The following TANC1 variants were observed in gnomAD, a reference collection of about 807,000 sequenced individuals.
TANC1 encodes protein TANC1.
Under a neutral mutation model 149.7 loss-of-function variants are expected in TANC1, and 77 were observed. The observed-to-expected ratio is 0.51, with a 90% CI of 0.43 to 0.62. TANC1 has a LOEUF of 0.62. Among genes scored for constraint, TANC1 ranks in the 20% least tolerant of loss-of-function variants. The pLI is 0.00. For synonymous variants in TANC1, 854 were observed against 925.0 expected (o/e 0.92, Z 1.39); for missense variants, 1,985 against 2,321.8 (o/e 0.85, Z 2.98).
chr2:159,053,415 G>A (rs1357658910), intron 2 of TANC1, among the ~76,000 whole-genome samples: 1 of 152,216 alleles, frequency 6.6e-6, no homozygotes, highest in South Asian at 2.1e-4. Context: ...AGAGGAGAGC[G>A]CAGTGATGCA....
intron 3 of TANC1, among the ~76,000 whole-genome samples, chr2:159,096,293 A>AT (rs35914993): frequency 0.43 from 55,748 of 130,678 alleles, 12,685 homozygotes; most frequent in East Asian, 0.9. Flanking sequence ...GACTGGCTGT[A>AT]TTTTTTTTTT....
chr2:158,988,325 CAAAAAAAAAAAA>C (rs1285907133), intron 1 of TANC1, among the ~76,000 whole-genome samples: 1 of 87,418 alleles, frequency 1.1e-5, no homozygotes, highest in South Asian at 4.2e-4. Context: ...GACCCTGTCC[CAAAAAAAAAAAA>C]AAAAAAGAAA....
chr2:159,217,391 CAT>C, intron 19 of TANC1, 104 bp from the exon 20 acceptor site: 1 of 1,442,940 alleles, frequency 6.9e-7, no homozygotes, highest in Non-Finnish European at 9.6e-7. Context: ...AGGGGGAGGA[CAT>C]ATAGACCCCA....
chr2:159,064,299 G>T (rs1486008902), intron 2 of TANC1, among the ~76,000 whole-genome samples: 1 of 152,150 alleles, frequency 6.6e-6, no homozygotes, highest in Admixed American at 6.5e-5. Context: ...TTTCACCAGG[G>T]TTTATTCAAG....
In TANC1 at chr2:159,229,977, T is replaced by C; in HGVS notation, c.4551T>C (p.Pro1517=). The C allele has an allele frequency of 6.2e-7, 1 of 1,614,046 alleles. No individual in the cohort carries two copies. Among genetic ancestry groups the C allele is most frequent in the East Asian group, 2.2e-5 (1 of 44,876 alleles). ...GAATCGGCAAGTCCCTGAGAGAGCC[T>C]GTGGCCCAGCCAGGGCTGCTCCTGC... ...RAGIGKSLRE[P]VAQPGLLLQP... is the part of the protein sequence containing the mutation. Residue 1517 remains proline (P), a synonymous_variant, in exon 27 of 27, where the codon CCT becomes CCC. Coordinates refer to ENST00000263635, the MANE Select transcript of TANC1 (RefSeq NM_033394.3).
At chr2:158,991,230 T>G (rs1283437656) in intron 1 of TANC1, among the ~76,000 whole-genome samples, 1 of 151,904 alleles carries the variant, frequency 6.6e-6, no homozygotes, top group Non-Finnish European at 1.5e-5. Context: ...ATGTAGAATT[T>G]GCTAGGAAAG....
intron 5 of TANC1, among the ~76,000 whole-genome samples, chr2:159,142,392 T>C (rs2051477097): frequency 6.6e-6 from 1 of 152,258 alleles, no homozygotes; most frequent in African/African-American, 2.4e-5. Context: ...TTAGTATATG[T>C]CAAGGCACTG....
intron 10 of TANC1, among the ~76,000 whole-genome samples, chr2:159,171,856 TAA>T (rs1167819599): frequency 1.8e-4 from 3 of 16,886 alleles, no homozygotes; most frequent in Admixed American, 7.3e-4. Context: ...GACTCCGCCT[TAA>T]AAAAAAAAAA....
chr2:159,158,523 A>T (rs1188968273), intron 7 of TANC1, among the ~76,000 whole-genome samples: 2 of 152,182 alleles, frequency 1.3e-5, no homozygotes, highest in Non-Finnish European at 2.9e-5. Context: ...TCCAATATTC[A>T]TCTTAGCCAC....
At position 159,202,251 on chromosome 2, in the gene TANC1, T is replaced by C. The variant is rs567346143; in HGVS notation, c.3244+3198T>C. The stretch of plus-strand genomic sequence containing the variant: ...CTGCACATCTGACTGCTGGTGACCC[T>C]GAGTCAATGAATGTCATCACAGAAG... On this transcript the variant is annotated intron_variant, in intron 19 of 26. Coordinates refer to ENST00000263635, the MANE Select transcript of TANC1 (RefSeq NM_033394.3). Among the ~76,000 whole-genome samples, 14 of 152,318 alleles carry C rather than the reference T, an allele frequency of 9.2e-5. No individual in the cohort carries two copies. The South Asian group carries it at 2.1e-3, about 23-fold the overall frequency.
intron 4 of TANC1, among the ~76,000 whole-genome samples, chr2:159,125,781 T>G (rs933765268): frequency 2.0e-5 from 3 of 152,098 alleles, no homozygotes; most frequent in African/African-American, 7.2e-5. Flanking sequence ...AGAGATGGGG[T>G]TTCACCATGT....
chr2:159,230,127 A>G lies in TANC1; in HGVS notation c.4701A>G (p.Pro1567=), dbSNP rs2060260195. 3 of 1,613,924 alleles carry G rather than the reference A, an allele frequency of 1.9e-6. No individual in the cohort carries two copies. The highest frequency in any genetic ancestry group is 2.5e-6 in the Non-Finnish European group (3 of 1,180,046). The stretch of plus-strand genomic sequence containing the variant: ...AGAACCCTCCTCCAAGTCCCATGCC[A>G]GGGAGAATCGCTGCCACTCCTGCTG... ...SSQNPPPSPM[P]GRIAATPAGS... is the part of the protein sequence containing the mutation. The change falls in exon 27 of 27, where the codon CCA becomes CCG. Residue 1567 remains proline (P), a synonymous_variant. Coordinates refer to ENST00000263635, the MANE Select transcript of TANC1 (RefSeq NM_033394.3). The surrounding 1 kb of genome is among the most constrained non-coding windows in gnomAD (Gnocchi z 4.4).
Position 158,994,461 on chromosome 2 carries a change from T to G in TANC1, c.-125-6619T>G, listed in dbSNP as rs535709587. Among the ~76,000 whole-genome samples, 137 of 152,198 alleles carry G rather than the reference T, an allele frequency of 9.0e-4. 2 individuals carry two copies. In the South Asian group the frequency reaches 0.027, roughly 30 times the overall value. ...ATCTTTTATTTATTTTTTGTAGATA[T>G]GGGATGTCTACTTGCCTAGGCTGGT... is the stretch of plus-strand genomic sequence containing the variant. On this transcript the variant is annotated intron_variant, in intron 1 of 26. Transcript: ENST00000263635.
In TANC1 at chr2:159,230,922, C is replaced by T; in HGVS notation, c.5496C>T (p.Ser1832=). ...CTCATCTGTACCAGGAAAGTATCTC[C>T]AAACAGCAGCCTCATATTAGTAATG... ...TVSHLYQESI[S]KQQPHISNEA... The change falls in exon 27 of 27, where the codon TCC becomes TCT. Residue 1832 remains serine, a synonymous_variant. Transcript: ENST00000263635. The surrounding 1 kb of genome is among the most constrained non-coding windows in gnomAD (Gnocchi z 4.4). The T allele has an allele frequency of 7.4e-6, 12 of 1,614,152 alleles. No individual in the cohort carries two copies. Among genetic ancestry groups the T allele is most frequent in the Non-Finnish European group, 1.0e-5 (12 of 1,180,026 alleles).
chr2:159,216,743 C>T (rs2059375336), intron 19 of TANC1, among the ~76,000 whole-genome samples: 1 of 152,142 alleles, frequency 6.6e-6, no homozygotes. Context: ...TCTGGGCCAG[C>T]GTGTTCACTT....
chr2:158,991,573 G>C (rs776361319), intron 1 of TANC1, among the ~76,000 whole-genome samples: 3 of 151,972 alleles, frequency 2.0e-5, no homozygotes, highest in Non-Finnish European at 2.9e-5. Flanking sequence ...CTAACATGAT[G>C]AAACCCCATC....
intron 4 of TANC1, among the ~76,000 whole-genome samples, chr2:159,108,877 G>A (rs890622): frequency 6.6e-6 from 1 of 152,046 alleles, no homozygotes; most frequent in Admixed American, 6.6e-5. Flanking sequence ...CATTATTAGG[G>A]TCTGGAGCAC....
At chr2:159,182,957 C>T (rs6749701) in intron 14 of TANC1, among the ~76,000 whole-genome samples, 19,254 of 152,198 alleles carry the variant, frequency 0.13, 1,524 homozygotes, top group East Asian at 0.3. Flanking sequence ...CTATTGAAGA[C>T]GTCGCATCAG....
At chr2:159,159,692 G>GT (rs2053813116) in intron 7 of TANC1, among the ~76,000 whole-genome samples, 1 of 35,096 alleles carries the variant, frequency 2.8e-5, no homozygotes, top group Admixed American at 2.3e-4. Flanking sequence ...ATACACATAC[G>GT]TGTGTGTGTG....
Sources: gnomAD v4.1 joint callset for allele counts (sites outside exome capture counted in the v4.1 genomes callset) on GRCh38, gnomAD v4.1.1 for gene constraint, Gnocchi (gnomAD v3.1) non-coding constraint, MANE v1.5 for transcripts, NCBI Gene and HGNC (gene_info 2026-07-23, HGNC 2026-07-21) for gene names.